The following CNTNAP2 variants were observed in gnomAD, a reference collection of about 807,000 sequenced individuals.
CNTNAP2 encodes the protein contactin-associated protein-like 2.
Under a neutral mutation model 155.2 loss-of-function variants are expected in CNTNAP2, and 98 were observed. The ratio of observed to expected loss-of-function variants is 0.63; its 90% confidence interval spans 0.54 to 0.75. The LOEUF is 0.75. Ranked by LOEUF, CNTNAP2 falls within the 30% of genes least tolerant of loss-of-function variation. The probability of loss-of-function intolerance (pLI) is 0.00; values close to 1 mark genes in which losing one functional copy is unlikely to be tolerated. For synonymous variants in CNTNAP2, 651 were observed against 631.2 expected (o/e 1.03, Z -0.47); for missense variants, 1,727 against 1,688.1 (o/e 1.02, Z -0.40).
intron 13 of CNTNAP2, among the ~76,000 whole-genome samples, chr7:147,811,998 A>C (rs1410565183): frequency 1.3e-5 from 2 of 152,186 alleles, no homozygotes; most frequent in African/African-American, 4.8e-5. Context: ...GAAGGAAAAA[A>C]ATCAAATAAT....
intron 9 of CNTNAP2, among the ~76,000 whole-genome samples, chr7:147,304,396 C>T (rs1308302231): frequency 6.6e-6 from 1 of 152,124 alleles, no homozygotes; most frequent in Non-Finnish European, 1.5e-5. Flanking sequence ...TACCTATTGA[C>T]TGTTTACGTG....
chr7:147,808,581 C>T (rs557854817), intron 13 of CNTNAP2, among the ~76,000 whole-genome samples: 1 of 152,330 alleles, frequency 6.6e-6, no homozygotes, highest in African/African-American at 2.4e-5. Flanking sequence ...TCTTTCTGCC[C>T]TTACCTGGCA....
chr7:146,892,396 CA>C (rs1484116818), intron 3 of CNTNAP2, among the ~76,000 whole-genome samples: 4 of 152,102 alleles, frequency 2.6e-5, no homozygotes. Context: ...TTGAAGCAGC[CA>C]CAAAGCCAGC....
At chr7:146,642,870 A>G (rs1799736248) in intron 1 of CNTNAP2, among the ~76,000 whole-genome samples, 1 of 151,982 alleles carries the variant, frequency 6.6e-6, no homozygotes, top group Admixed American at 6.6e-5. Context: ...GTGAGATGGT[A>G]TCTCGTTGTG....
At chr7:147,247,231 T>C (rs576488195) in intron 8 of CNTNAP2, among the ~76,000 whole-genome samples, 2 of 152,352 alleles carry the variant, frequency 1.3e-5, no homozygotes, top group South Asian at 2.1e-4. Flanking sequence ...TTCTTAGTAA[T>C]ACAAATGAGT....
intron 3 of CNTNAP2, among the ~76,000 whole-genome samples, chr7:146,993,508 C>G (rs977317846): frequency 6.6e-6 from 1 of 152,090 alleles, no homozygotes; most frequent in Non-Finnish European, 1.5e-5. Flanking sequence ...TATTGGGAGA[C>G]TGCCTTTTCC....
chr7:146,880,292 G>A, intron 3 of CNTNAP2, among the ~76,000 whole-genome samples: 1 of 151,942 alleles, frequency 6.6e-6, no homozygotes, highest in East Asian at 1.9e-4. Context: ...AGCCCTTATA[G>A]AAAGAAATTC....
intron 1 of CNTNAP2, among the ~76,000 whole-genome samples, chr7:146,611,403 A>C (rs1799134746): frequency 6.6e-6 from 1 of 152,176 alleles, no homozygotes; most frequent in Non-Finnish European, 1.5e-5. Flanking sequence ...TTTTGCTTTT[A>C]AAGTTAATAA....
chr7:146,344,778 A>G (rs775961161), intron 1 of CNTNAP2, among the ~76,000 whole-genome samples: 1 of 152,184 alleles, frequency 6.6e-6, no homozygotes, highest in Non-Finnish European at 1.5e-5. Flanking sequence ...CTCCCGGCCA[A>G]CTAGCTTTAA....
Position 146,774,344 on chromosome 7 carries a change from C to A in CNTNAP2, c.171C>A (p.Ser57Arg), listed in dbSNP as rs1802350609. 6.2e-7 allele frequency: 1 copy of A among 1,613,908 alleles called. No individual in the cohort carries two copies. The highest frequency in any genetic ancestry group is 1.7e-5 in the Admixed American group (1 of 60,004). The change falls in exon 2 of 24, where the codon AGC (serine) becomes AGA (arginine). Residue 57 changes from serine (S) to arginine (R), a missense_variant. Ser to Arg is a moderately radical substitution (Grantham distance 110). Coordinates refer to ENST00000361727, the MANE Select transcript of CNTNAP2 (RefSeq NM_014141.6). ...AFSSSSSISG[S>R]YSPGYAKINK... ...GCAGCTCCTCCTCCATCTCTGGTAG[C>A]TATTCTCCCGGCTATGCCAAGATAA...
chr7:147,561,539 G>A (rs6960319), intron 11 of CNTNAP2, among the ~76,000 whole-genome samples: 44,822 of 151,922 alleles, frequency 0.3, 6,757 homozygotes, highest in African/African-American at 0.31. Context: ...AATGTCAGCC[G>A]TCTACACAAA....
chr7:147,024,416 T>C lies in CNTNAP2; in HGVS notation c.403-19491T>C, dbSNP rs367611358. Among the ~76,000 whole-genome samples the C allele has an allele frequency of 1.1e-4, 16 of 152,344 alleles. No homozygotes were observed. The East Asian group carries it at 2.9e-3, about 28-fold the overall frequency. The stretch of plus-strand genomic sequence containing the variant: ...GACAATGCCAATTTTCTGGCTTTCA[T>C]GATTGTACCGTATCGTGTAGAATGT... On this transcript the variant is annotated intron_variant, in intron 3 of 23. Transcript: ENST00000361727.
At chr7:146,346,491 G>A (rs1443171381) in intron 1 of CNTNAP2, among the ~76,000 whole-genome samples, 1 of 152,270 alleles carries the variant, frequency 6.6e-6, no homozygotes, top group East Asian at 1.9e-4. Flanking sequence ...AAATCAGCCT[G>A]ACCAGCATGG....
intron 1 of CNTNAP2, among the ~76,000 whole-genome samples, chr7:146,409,701 T>G (rs1387312266): frequency 6.6e-6 from 1 of 152,170 alleles, no homozygotes; most frequent in Non-Finnish European, 1.5e-5. Flanking sequence ...AATCACTGCA[T>G]CCTCCTCCCC....
At chr7:146,444,782 C>T (rs766627416) in intron 1 of CNTNAP2, among the ~76,000 whole-genome samples, 11 of 151,882 alleles carry the variant, frequency 7.2e-5, no homozygotes, top group Non-Finnish European at 1.0e-4. Context: ...CTCAGCCTCC[C>T]GTGTAGCTGG....
intron 1 of CNTNAP2, among the ~76,000 whole-genome samples, chr7:146,180,825 T>A (rs907189765): frequency 6.6e-6 from 1 of 152,194 alleles, no homozygotes; most frequent in Non-Finnish European, 1.5e-5. Context: ...GAAGTTAATA[T>A]CACCAAGGTC....
chr7:147,168,720 G>C (rs1241953076), intron 8 of CNTNAP2, among the ~76,000 whole-genome samples: 1 of 152,014 alleles, frequency 6.6e-6, no homozygotes, highest in African/African-American at 2.4e-5. Flanking sequence ...TTAAGTTTTA[G>C]AAGTATCTTT....
At chr7:146,425,770 T>C (rs1041354928) in intron 1 of CNTNAP2, among the ~76,000 whole-genome samples, 2 of 152,166 alleles carry the variant, frequency 1.3e-5, no homozygotes, top group Non-Finnish European at 2.9e-5. Context: ...TGTCATTCTC[T>C]AAGTGAACCC....
At chr7:147,306,110 T>C (rs962095475) in intron 9 of CNTNAP2, among the ~76,000 whole-genome samples, 2 of 152,158 alleles carry the variant, frequency 1.3e-5, no homozygotes, top group African/African-American at 4.8e-5. Flanking sequence ...AAGGCCACAT[T>C]CATAGGTTTC....
Sources: gnomAD v4.1 joint callset for allele counts (sites outside exome capture counted in the v4.1 genomes callset) on GRCh38, gnomAD v4.1.1 for gene constraint, MANE v1.5 for transcripts, NCBI Gene and HGNC (gene_info 2026-07-23, HGNC 2026-07-21) for gene names.